ZFAND4: variants seen among roughly 807,000 people sequenced by gnomAD.
ZFAND4 encodes zinc finger AN1-type containing 4.
In ZFAND4, 43 loss-of-function variants were observed where a neutral mutation model predicts 64.4. That is an observed-to-expected ratio of 0.67 (90% CI 0.52 to 0.86). The LOEUF (loss-of-function observed/expected upper bound fraction) is 0.86, where lower values mean the gene tolerates loss of function less well. Ranked by LOEUF, ZFAND4 falls within the 40% of genes least tolerant of loss-of-function variation. ZFAND4 has a pLI of 0.00. For synonymous variants in ZFAND4, 296 were observed against 305.7 expected (o/e 0.97, Z 0.33); for missense variants, 929 against 859.8 (o/e 1.08, Z -1.01).
At chr10:45,665,789 A>G (rs949792752) in intron 1 of ZFAND4, among the ~76,000 whole-genome samples, 19 of 152,182 alleles carry the variant, frequency 1.2e-4, no homozygotes, top group African/African-American at 3.9e-4. Context: ...AAATTGGTCT[A>G]TTCTGGACAT....
chr10:45,628,096 T>C (rs2045962991), intron 6 of ZFAND4, among the ~76,000 whole-genome samples: 1 of 152,106 alleles, frequency 6.6e-6, no homozygotes, highest in Non-Finnish European at 1.5e-5. Flanking sequence ...ATGAATAAAG[T>C]TGAGAACTAA....
At chr10:45,652,525 T>C (rs2047826562) in intron 3 of ZFAND4, among the ~76,000 whole-genome samples, 1 of 152,172 alleles carries the variant, frequency 6.6e-6, no homozygotes, top group South Asian at 2.1e-4. Context: ...AGAGACAAAG[T>C]GTCAGAAAGT....
chr10:45,652,897 T>C, intron 3 of ZFAND4, 87 bp downstream of exon 3: 2 of 989,440 alleles, frequency 2.0e-6, no homozygotes, highest in Non-Finnish European at 3.1e-6. Context: ...AAAACAGACA[T>C]GATCTAAGAG....
At position 45,625,959 on chromosome 10, in the gene ZFAND4, CT is replaced by C; in HGVS notation, c.1863del (p.Val622PhefsTer10). ...RKSSPQLEHTGVFLSTHGVGM... is the reference protein window; with the variant it reads ...RKSSPQLEHTXVFLSTHGVGM... ...GAAAGGAAAATACTGACCAAAAAAA[CT>C]CCTGTATGTTCTAACTGGGGAGAAC... is the stretch of plus-strand genomic sequence containing the variant. On this transcript the variant is annotated frameshift_variant, in exon 7 of 10. Transcript: ENST00000344646. LOFTEE classifies it high-confidence loss of function. 1 of 1,612,854 alleles carries C rather than the reference CT, an allele frequency of 6.2e-7. No homozygotes were observed.
chr10:45,643,202 G>A (rs1040441853), intron 5 of ZFAND4, among the ~76,000 whole-genome samples: 3 of 151,496 alleles, frequency 2.0e-5, no homozygotes, highest in Non-Finnish European at 4.4e-5. Flanking sequence ...TTACAGGCAT[G>A]AGCCACCACG....
rs2045779779 is a variant in ZFAND4, at chr10:45,625,894, A to G, written c.1872+57T>C. 6 of 1,485,876 alleles carry G rather than the reference A, an allele frequency of 4.0e-6. No individual in the cohort carries two copies. In the East Asian group the frequency reaches 1.1e-4, roughly 28 times the overall value. 92.0% of individuals were successfully genotyped at this position (1,485,876 alleles called of 1,614,324 possible). A position where few individuals can be genotyped will look rare whatever the true frequency, so the allele number is the denominator to read the frequency against. On this transcript the variant is annotated intron_variant, in intron 7 of 9. Coordinates refer to ENST00000344646, the MANE Select transcript of ZFAND4 (RefSeq NM_174890.4). ...TATGTAAACAAAAACCAAACTTTAA[A>G]TAAGTTGAATCACTACAAGGATAAC... is the stretch of plus-strand genomic sequence containing the variant.
rs1489815232 is a variant in ZFAND4 at position 45,624,598 on chromosome 10, C to A, written c.1912G>T (p.Ala638Ser). 5 of 1,613,866 alleles carry A rather than the reference C, an allele frequency of 3.1e-6. No individual in the cohort carries two copies. Among genetic ancestry groups the A allele is most frequent in the Admixed American group, 1.7e-5 (1 of 60,004 alleles). The change falls in exon 8 of 10, where the codon GCA becomes TCA. Residue 638 changes from alanine (A) to serine (S), a missense_variant. Coordinates refer to ENST00000344646, the MANE Select transcript of ZFAND4 (RefSeq NM_174890.4). ...TGTAGCTTACCTACGCTTTTCCCTG[C>A]TGCTGCATTATTTCCATTCATTCCA... ...GVGMNGNNAA[A>S]GKSVGECTTH...
At chr10:45,640,968 T>G (rs557917417) in intron 5 of ZFAND4, among the ~76,000 whole-genome samples, 2 of 152,344 alleles carry the variant, frequency 1.3e-5, no homozygotes, top group African/African-American at 4.8e-5. Context: ...TATTCATATT[T>G]CAATGTAATT....
intron 6 of ZFAND4, among the ~76,000 whole-genome samples, chr10:45,627,857 GA>G (rs1288132438): frequency 1.3e-5 from 2 of 152,202 alleles, no homozygotes; most frequent in African/African-American, 2.4e-5. Context: ...AGACTCCACT[GA>G]AAGAGGACTC....
chr10:45,622,312 G>A (rs1434409802), intron 8 of ZFAND4, among the ~76,000 whole-genome samples: 1 of 152,122 alleles, frequency 6.6e-6, no homozygotes, highest in African/African-American at 2.4e-5. Flanking sequence ...GAATGAAGTG[G>A]AACCCTTACT....
chr10:45,621,196 T>C (rs1354816037), intron 8 of ZFAND4, among the ~76,000 whole-genome samples: 1 of 152,050 alleles, frequency 6.6e-6, no homozygotes, highest in Non-Finnish European at 1.5e-5. Context: ...GGAAACCTTA[T>C]AGTGAAAAGA....
Position 45,666,586 on chromosome 10 carries a change from T to C in ZFAND4, c.-117-2744A>G, listed in dbSNP as rs73292841. Among the ~76,000 whole-genome samples, 1,186 of 152,348 alleles carry C rather than the reference T, an allele frequency of 7.8e-3. 10 individuals are homozygous for C. Among genetic ancestry groups the C allele is most frequent in the African/African-American group, 0.027 (1,131 of 41,576 alleles). ...TTTTCTTTTATCATACTTAAAAAGC[T>C]TGGCTTAACCCAAGGTAATAAAGAT... On this transcript the variant is annotated intron_variant, in intron 1 of 9. Transcript: ENST00000344646.
Position 45,626,137 on chromosome 10 carries a change from A to C in ZFAND4, c.1686T>G (p.Gly562=), listed in dbSNP as rs2045803705. ...CAAGAAAACTGATATTATTTACACA[A>C]CCAACAGGCTCTTTGGAAGCCTTGT... ...MTNKASKEPV[G]CVNNISFLAS... The change falls in exon 7 of 10, where the codon GGT becomes GGG. Residue 562 remains glycine (G), a synonymous_variant. Coordinates refer to ENST00000344646, the MANE Select transcript of ZFAND4 (RefSeq NM_174890.4). The C allele has an allele frequency of 6.2e-7, 1 of 1,614,020 alleles. No individual in the cohort carries two copies. Among genetic ancestry groups the C allele is most frequent in the Non-Finnish European group, 8.5e-7 (1 of 1,180,046 alleles).
intron 2 of ZFAND4, among the ~76,000 whole-genome samples, chr10:45,661,558 T>G (rs1249941127): frequency 6.6e-6 from 1 of 152,162 alleles, no homozygotes; most frequent in Non-Finnish European, 1.5e-5. Context: ...GTATTCCATA[T>G]CCCTCTAACT....
chr10:45,618,403 T>G (rs2045165532), intron 8 of ZFAND4, 143 bp from the exon 9 acceptor site: 2 of 1,065,942 alleles, frequency 1.9e-6, no homozygotes, highest in African/African-American at 3.3e-5. Flanking sequence ...ATATCTAAAA[T>G]TACTTATAAA....
At chr10:45,656,726 T>TAA (rs2048146959) in intron 2 of ZFAND4, among the ~76,000 whole-genome samples, 1 of 151,968 alleles carries the variant, frequency 6.6e-6, no homozygotes, top group Admixed American at 6.6e-5. Context: ...ATACCCAATA[T>TAA]AATGGTATCA....
At chr10:45,662,594 C>A in intron 2 of ZFAND4, 1 of 985,306 alleles carries the variant, frequency 1.0e-6, no homozygotes, top group Non-Finnish European at 1.2e-6. Flanking sequence ...TCATTTAGGG[C>A]AGACAAAAGC....
At position 45,626,407 on chromosome 10, in the gene ZFAND4, CAA is replaced by C; in HGVS notation, c.1414_1415del (p.Leu472ValfsTer13). On this transcript the variant is annotated frameshift_variant, in exon 7 of 10. Coordinates refer to ENST00000344646, the MANE Select transcript of ZFAND4 (RefSeq NM_174890.4). LOFTEE classifies it high-confidence loss of function. ...RELSPHKNRL[L>X]SPLRCSAPMS... is the part of the protein sequence containing the mutation. ...TTGGTGCAGAACAGCGAAGAGGTGACAAGAGTCTATTCTTGTGAGGACTTAAT... is the reference window on the plus strand; with the variant it reads ...TTGGTGCAGAACAGCGAAGAGGTGACGAGTCTATTCTTGTGAGGACTTAAT... 1 of 1,614,022 alleles carries C rather than the reference CAA, an allele frequency of 6.2e-7. No individual in the cohort carries two copies. The highest frequency in any genetic ancestry group is 8.5e-7 in the Non-Finnish European group (1 of 1,180,028).
At chr10:45,658,954 G>A (rs1260771636) in intron 2 of ZFAND4, among the ~76,000 whole-genome samples, 1 of 152,162 alleles carries the variant, frequency 6.6e-6, no homozygotes, top group Non-Finnish European at 1.5e-5. Context: ...AGGTAGTAAG[G>A]TAAATCACCA....
Sources: allele counts gnomAD v4.1 joint callset (sites outside exome capture counted in the v4.1 genomes callset), GRCh38; gene constraint gnomAD v4.1.1; transcripts MANE v1.5; gene names NCBI Gene and HGNC (gene_info 2026-07-23, HGNC 2026-07-21).